PON2: variants seen among roughly 807,000 people sequenced by gnomAD.
PON2 encodes the protein paraoxonase 2, also known as serum paraoxonase/arylesterase 2.
Under a neutral mutation model 36.6 loss-of-function variants are expected in PON2, and 27 were observed. The ratio of observed to expected loss-of-function variants is 0.74; its 90% CI spans 0.54 to 1.02. The LOEUF is 1.02. Among genes scored for constraint, PON2 ranks in the 50% least tolerant of loss-of-function variants. The pLI, the probability that PON2 is intolerant of heterozygous loss-of-function variation, is 0.00. For missense variants in PON2, 363 were observed against 421.1 expected (o/e 0.86, Z 1.21); for synonymous variants, 149 against 156.3 (o/e 0.95, Z 0.35).
intron 3 of PON2, among the ~76,000 whole-genome samples, chr7:95,414,418 GA>G (rs1191720590): frequency 6.6e-6 from 1 of 152,178 alleles, no homozygotes; most frequent in Admixed American, 6.5e-5. Context: ...GAGGGTAACA[GA>G]AAAAAAGCAG....
At chr7:95,423,382 T>C (rs17774346) in intron 2 of PON2, among the ~76,000 whole-genome samples, 28,961 of 151,124 alleles carry the variant, frequency 0.19, 3,874 homozygotes, top group East Asian at 0.63. Context: ...TTATTGTTCA[T>C]TGATAATCTA....
chr7:95,433,117 T>C lies in PON2; in HGVS notation c.74+1761A>G, dbSNP rs1213132926. On this transcript the variant is annotated intron_variant, in intron 1 of 8. Transcript: ENST00000222572. ...TTCTTACATTATGCACTTCCTTATTTATCTATTTACCTGGGAACCCTGAAG... is the reference window on the plus strand; with the variant it reads ...TTCTTACATTATGCACTTCCTTATTCATCTATTTACCTGGGAACCCTGAAG... 2.0e-5 allele frequency among the ~76,000 whole-genome samples: 3 copies of C among 152,236 alleles called. No individual in the cohort carries two copies. In the East Asian group the frequency reaches 5.8e-4, roughly 29 times the overall value.
intron 1 of PON2, among the ~76,000 whole-genome samples, chr7:95,429,039 T>C (rs1789378403): frequency 6.6e-6 from 1 of 152,142 alleles, no homozygotes; most frequent in South Asian, 2.1e-4. Context: ...CATGAACTTT[T>C]TTTTTTTTTT....
At chr7:95,433,823 G>A (rs563642382) in intron 1 of PON2, among the ~76,000 whole-genome samples, 2 of 152,208 alleles carry the variant, frequency 1.3e-5, no homozygotes, top group Non-Finnish European at 2.9e-5. Flanking sequence ...CAGGTCGAAT[G>A]TCTCTTCCTC....
chr7:95,427,860 A>G (rs1789351366), intron 1 of PON2, among the ~76,000 whole-genome samples: 1 of 152,218 alleles, frequency 6.6e-6, no homozygotes. Context: ...AGCTATACAA[A>G]CCTTTTTGGA....
chr7:95,406,919 T>G, intron 7 of PON2, 68 bp downstream of exon 7: 1 of 999,336 alleles, frequency 1.0e-6, no homozygotes, highest in Non-Finnish European at 1.5e-6. Flanking sequence ...TGTGGTACTC[T>G]TATAGAAAAA....
intron 2 of PON2, among the ~76,000 whole-genome samples, chr7:95,419,898 C>A (rs1334694882): frequency 6.6e-6 from 1 of 152,158 alleles, no homozygotes; most frequent in Non-Finnish European, 1.5e-5. Flanking sequence ...TAAAAATAAA[C>A]ATCTCTTTTC....
intron 1 of PON2, among the ~76,000 whole-genome samples, chr7:95,432,838 C>T (rs1172393296): frequency 1.3e-5 from 2 of 152,194 alleles, no homozygotes; most frequent in African/African-American, 4.8e-5. Flanking sequence ...CTTTGCACTG[C>T]TTTATCAGTA....
rs1409652537 is a variant in PON2, at chr7:95,412,352, G to A, written c.327C>T (p.Ala109=). 3 of 1,614,026 alleles carry A rather than the reference G, an allele frequency of 1.9e-6. No individual in the cohort carries two copies. The highest frequency in any genetic ancestry group is 2.7e-5 in the African/African-American group (2 of 74,916). Residue 109 remains alanine, a synonymous_variant, in exon 4 of 9, where the codon GCC becomes GCT. Transcript: ENST00000222572. The part of the protein sequence containing the change: ...ELRISRGFDL[A]SFNPHGISTF... ...TGCTGATGCCATGTGGATTGAATGA[G>A]GCCAAATCAAACCCACGACTGATTC...
chr7:95,434,745 C>A lies in PON2; in HGVS notation c.74+133G>T, dbSNP rs1013693183. The A allele has an allele frequency of 3.0e-5, 29 of 977,098 alleles. No homozygotes were observed. The East Asian group carries it at 8.0e-4, about 27-fold the overall frequency. The allele number at this position is 977,098 out of a possible 1,614,324, so 60.5% of individuals were successfully genotyped here. On this transcript the variant is annotated intron_variant, in intron 1 of 8. Transcript: ENST00000222572. ...AACTAGCTGGGGGAGGGACAGCATT[C>A]AAAAATTCTCCACCCCCGGCCGCAG...
At chr7:95,420,845 T>G (rs1243312474) in intron 2 of PON2, among the ~76,000 whole-genome samples, 2 of 152,236 alleles carry the variant, frequency 1.3e-5, no homozygotes, top group African/African-American at 4.8e-5. Context: ...CACATTGTTA[T>G]TTCTTCTTAT....
At chr7:95,423,321 CAAA>C (rs35269697) in intron 2 of PON2, among the ~76,000 whole-genome samples, 20 of 71,158 alleles carry the variant, frequency 2.8e-4, no homozygotes, top group African/African-American at 8.9e-4. Context: ...GGCCACCTCT[CAAA>C]AAAAAAAAAA....
chr7:95,430,598 C>T (rs1789416909), intron 1 of PON2, among the ~76,000 whole-genome samples: 1 of 151,790 alleles, frequency 6.6e-6, no homozygotes, highest in Admixed American at 6.6e-5. Context: ...CGTGCCCGGC[C>T]ATGTTTTTTT....
chr7:95,424,176 T>C (rs1215429889), intron 2 of PON2: 4 of 341,630 alleles, frequency 1.2e-5, no homozygotes, highest in Non-Finnish European at 2.2e-5. Flanking sequence ...CTTCCTTCAC[T>C]AGCTGACCAC....
rs938345960 is a variant in PON2 at position 95,418,824 on chromosome 7, C to T, written c.146-2527G>A. Among the ~76,000 whole-genome samples the T allele has an allele frequency of 9.2e-5, 14 of 152,206 alleles. No individual in the cohort carries two copies. The Middle Eastern group carries it at 0.01, about 111-fold the overall frequency. On this transcript the variant is annotated intron_variant, in intron 2 of 8. Transcript: ENST00000222572. ...GCTTGACTCTCTCCCTCCCCTTCAT[C>T]GGTTCTCTCTCTTTAAACTTTTTAT... is the stretch of plus-strand genomic sequence containing the variant.
At position 95,435,026 on chromosome 7, in the gene PON2, G is replaced by C. The variant is rs1165785791; in HGVS notation, c.-75C>G. ...GTGGGCGGTGCCATCTTCCCGGCTC[G>C]ATGGTGCCGGCCGCGCTCCGCCCCG... On this transcript the variant is annotated 5_prime_UTR_variant, in exon 1 of 9. It adds an upstream start codon to the 5' untranslated region. Coordinates refer to ENST00000222572, the MANE Select transcript of PON2 (RefSeq NM_000305.3). The C allele has an allele frequency of 1.1e-5, 16 of 1,400,532 alleles. No individual in the cohort carries two copies. Among genetic ancestry groups the C allele is most frequent in the Non-Finnish European group, 1.5e-5 (16 of 1,063,438 alleles). 86.8% of individuals were successfully genotyped at this position (1,400,532 alleles called of 1,614,324 possible).
chr7:95,434,209 C>A (rs1330999980), intron 1 of PON2: 3 of 152,088 alleles, frequency 2.0e-5, no homozygotes. Flanking sequence ...ATAAAATAAA[C>A]AAAAAACAAA....
chr7:95,424,391 T>G, intron 2 of PON2, 124 bp downstream of exon 2: 1 of 783,400 alleles, frequency 1.3e-6, no homozygotes, highest in East Asian at 2.6e-5. Context: ...AAGAGGTTTT[T>G]GTTGATCTAA....
intron 2 of PON2, among the ~76,000 whole-genome samples, chr7:95,423,444 T>C (rs1054934216): frequency 4.6e-5 from 7 of 151,924 alleles, no homozygotes; most frequent in Non-Finnish European, 8.8e-5. Context: ...TGATAAAGGG[T>C]AAAAGACAGC....
Sources: gnomAD v4.1 joint callset for allele counts (sites outside exome capture counted in the v4.1 genomes callset) on GRCh38, gnomAD v4.1.1 for gene constraint, MANE v1.5 for transcripts, NCBI Gene and HGNC (gene_info 2026-07-23, HGNC 2026-07-21) for gene names.